FCHSD2: variants seen among roughly 807,000 people sequenced by gnomAD.
FCHSD2 encodes FCH and double SH3 domains 2, also known as F-BAR and double SH3 domains protein 2.
Under a neutral mutation model 108.1 loss-of-function variants are expected in FCHSD2, and 38 were observed. That is an observed-to-expected ratio of 0.35 (90% CI 0.27 to 0.46). The LOEUF is 0.46. FCHSD2 is among the 20% of genes least tolerant of loss of function. FCHSD2 has a pLI of 1.00. For synonymous variants in FCHSD2, 279 were observed against 314.7 expected (o/e 0.89, Z 1.20); for missense variants, 751 against 897.8 (o/e 0.84, Z 2.09).
At chr11:73,073,598 T>C (rs1022062823) in intron 3 of FCHSD2, among the ~76,000 whole-genome samples, 1 of 152,228 alleles carries the variant, frequency 6.6e-6, no homozygotes, top group East Asian at 1.9e-4. Context: ...ATGGCTCACC[T>C]GTATGCTCTG....
chr11:72,876,344 G>A (rs1047604571), intron 12 of FCHSD2, among the ~76,000 whole-genome samples: 1 of 151,954 alleles, frequency 6.6e-6, no homozygotes, highest in Non-Finnish European at 1.5e-5. Context: ...AAGAATAAAA[G>A]GAAATGCATA....
At chr11:72,980,506 A>C (rs547644779) in intron 8 of FCHSD2, among the ~76,000 whole-genome samples, 1 of 152,212 alleles carries the variant, frequency 6.6e-6, no homozygotes, top group South Asian at 2.1e-4. Flanking sequence ...AGGATAACAA[A>C]GAAAATGAGA....
chr11:73,129,917 C>A (rs1306180811), intron 2 of FCHSD2, among the ~76,000 whole-genome samples: 1 of 149,874 alleles, frequency 6.7e-6, no homozygotes, highest in Non-Finnish European at 1.5e-5. Context: ...CTCTGTCGCC[C>A]AGGCTGGAGT....
chr11:72,972,753 C>T (rs759907160), intron 8 of FCHSD2, among the ~76,000 whole-genome samples: 3 of 149,466 alleles, frequency 2.0e-5, no homozygotes, highest in African/African-American at 7.3e-5. Context: ...CCCTTGTGGG[C>T]GGCACCAGAG....
chr11:72,961,254 C>CA (rs1265473135), intron 8 of FCHSD2, among the ~76,000 whole-genome samples: 1 of 152,082 alleles, frequency 6.6e-6, no homozygotes, highest in Non-Finnish European at 1.5e-5. Context: ...TTTTTTGAGA[C>CA]AGAGTCTCAC....
rs60223064 is a variant in FCHSD2, at chr11:73,096,987, A to ATTTT, written c.120-13251_120-13248dup. On this transcript the variant is annotated intron_variant, in intron 2 of 19. Transcript: ENST00000409418. The stretch of plus-strand genomic sequence containing the variant: ...CTAATGTGATGTATTTCATTGATGG[A>ATTTT]TTTTTTTTTTTTTTTTTTTTTTTTT... 9.1e-3 allele frequency among the ~76,000 whole-genome samples: 246 copies of ATTTT among 27,018 alleles called. 73 individuals carry two copies. Among genetic ancestry groups the ATTTT allele is most frequent in the East Asian group, 0.043 (24 of 564 alleles). 17.7% of individuals were successfully genotyped at this position (27,018 alleles called of 152,430 possible). A position where few individuals can be genotyped will look rare whatever the true frequency, so the allele number is the denominator to read the frequency against.
At chr11:72,971,372 C>CT (rs57492987) in intron 8 of FCHSD2, among the ~76,000 whole-genome samples, 3,096 of 152,240 alleles carry the variant, frequency 0.02, 37 homozygotes, top group South Asian at 0.055. Context: ...ATCCCCTTTC[C>CT]TTTGAGTGTC....
At chr11:73,025,306 C>T (rs1251363935) in intron 3 of FCHSD2, among the ~76,000 whole-genome samples, 3 of 152,030 alleles carry the variant, frequency 2.0e-5, no homozygotes, top group Non-Finnish European at 4.4e-5. Context: ...TACTATGCAG[C>T]CACAAAGAAA....
intron 2 of FCHSD2, among the ~76,000 whole-genome samples, chr11:73,101,546 T>G (rs1860225690): frequency 6.6e-6 from 1 of 152,032 alleles, no homozygotes; most frequent in South Asian, 2.1e-4. Flanking sequence ...CTCAAGATCC[T>G]CCCACCTCAG....
intron 2 of FCHSD2, among the ~76,000 whole-genome samples, chr11:73,099,627 TA>T (rs1860169578): frequency 6.6e-6 from 1 of 152,174 alleles, no homozygotes; most frequent in African/African-American, 2.4e-5. Context: ...ACAAATGCAG[TA>T]AAACACTGAT....
At chr11:73,044,466 G>C (rs1331857921) in intron 3 of FCHSD2, among the ~76,000 whole-genome samples, 3 of 152,056 alleles carry the variant, frequency 2.0e-5, no homozygotes, top group African/African-American at 7.2e-5. Flanking sequence ...TATAGTCCTA[G>C]CTACTCAGGA....
intron 12 of FCHSD2, among the ~76,000 whole-genome samples, chr11:72,885,157 C>G (rs1855170270): frequency 6.6e-6 from 1 of 152,132 alleles, no homozygotes; most frequent in African/African-American, 2.4e-5. Context: ...CCTGTAAGTA[C>G]TACCCCAATA....
chr11:72,959,347 A>G (rs1406095093), intron 8 of FCHSD2, among the ~76,000 whole-genome samples: 1 of 142,226 alleles, frequency 7.0e-6, no homozygotes, highest in African/African-American at 2.6e-5. Context: ...TTCCTGCCTC[A>G]GTCTCCCGAG....
At chr11:72,853,676 T>TAAAAAACTCATA (rs1200187001) in intron 13 of FCHSD2, among the ~76,000 whole-genome samples, 24 of 152,066 alleles carry the variant, frequency 1.6e-4, no homozygotes, top group African/African-American at 5.8e-4. Context: ...CAATGAGTTT[T>TAAAAAACTCATA]TTAAATATGA....
At chr11:72,867,253 C>T (rs557236950) in intron 13 of FCHSD2, among the ~76,000 whole-genome samples, 1 of 152,268 alleles carries the variant, frequency 6.6e-6, no homozygotes, top group South Asian at 2.1e-4. Context: ...CCGAATTTTT[C>T]TGGTACTTAG....
intron 3 of FCHSD2, among the ~76,000 whole-genome samples, chr11:73,025,360 G>A (rs946977091): frequency 1.3e-5 from 2 of 152,132 alleles, no homozygotes; most frequent in African/African-American, 4.8e-5. Context: ...GGAGCTGGAG[G>A]CCATTATCCT....
intron 2 of FCHSD2, among the ~76,000 whole-genome samples, chr11:73,104,090 C>T (rs1277697838): frequency 2.0e-5 from 3 of 152,252 alleles, no homozygotes; most frequent in African/African-American, 7.2e-5. Context: ...CAGAACTCAT[C>T]TTAAATGCAG....
chr11:72,964,683 C>G (rs1856872103), intron 8 of FCHSD2, among the ~76,000 whole-genome samples: 1 of 152,178 alleles, frequency 6.6e-6, no homozygotes, highest in South Asian at 2.1e-4. Flanking sequence ...AACCCACAGC[C>G]CCAGGTCTTT....
At chr11:72,920,577 T>C (rs1243575538) in intron 9 of FCHSD2, among the ~76,000 whole-genome samples, 1 of 152,172 alleles carries the variant, frequency 6.6e-6, no homozygotes, top group Non-Finnish European at 1.5e-5. Flanking sequence ...TTGTCTCTAC[T>C]AAAAATAACA....
Sources: gnomAD v4.1 joint callset for allele counts (sites outside exome capture counted in the v4.1 genomes callset) on GRCh38, gnomAD v4.1.1 for gene constraint, MANE v1.5 for transcripts, NCBI Gene and HGNC (gene_info 2026-07-23, HGNC 2026-07-21) for gene names.